The following FOXP2 variants were observed in gnomAD, a reference collection of about 807,000 sequenced individuals.
FOXP2 encodes the protein forkhead box P2.
Under a neutral mutation model 115.8 loss-of-function variants are expected in FOXP2, and 12 were observed. The observed-to-expected ratio is 0.10, with a 90% CI of 0.07 to 0.17. FOXP2 has a LOEUF of 0.17. FOXP2 is among the 10% of genes least tolerant of loss of function. The pLI is 1.00. For missense variants in FOXP2, 629 were observed against 843.5 expected, an observed-to-expected ratio of 0.75 and a Z score of 3.15; for synonymous variants, 328 against 297.7, an observed-to-expected ratio of 1.10 and a Z score of -1.05.
chr7:114,152,783 C>T (rs1792561045), intron 1 of FOXP2, among the ~76,000 whole-genome samples: 1 of 152,022 alleles, frequency 6.6e-6, no homozygotes, highest in Non-Finnish European at 1.5e-5. Context: ...CTGTCATTGA[C>T]CGTAGGGTAG....
intron 2 of FOXP2, among the ~76,000 whole-genome samples, chr7:114,457,408 A>G (rs1795357804): frequency 1.3e-5 from 2 of 152,162 alleles, no homozygotes; most frequent in African/African-American, 2.4e-5. Context: ...AAAAAAAATC[A>G]TAATTTCCTT....
intron 1 of FOXP2, among the ~76,000 whole-genome samples, chr7:114,231,916 G>A (rs1794885141): frequency 6.6e-6 from 1 of 152,114 alleles, no homozygotes; most frequent in Non-Finnish European, 1.5e-5. Context: ...AAACAAGAGT[G>A]CAAAGGCAGC....
chr7:114,311,555 C>T (rs1030528292), intron 2 of FOXP2, among the ~76,000 whole-genome samples: 2 of 152,108 alleles, frequency 1.3e-5, no homozygotes, highest in Admixed American at 6.5e-5. Context: ...CCCAGCTGAA[C>T]GCCATTTAGT....
At chr7:114,456,350 AAC>A (rs1795312665) in intron 2 of FOXP2, among the ~76,000 whole-genome samples, 1 of 152,202 alleles carries the variant, frequency 6.6e-6, no homozygotes, top group Non-Finnish European at 1.5e-5. Context: ...GGTACAGTAA[AAC>A]ACTGAGAAAA....
chr7:114,087,339 T>C (rs1562959591), upstream of FOXP2, among the ~76,000 whole-genome samples: 1 of 152,114 alleles, frequency 6.6e-6, no homozygotes, highest in East Asian at 1.9e-4. Flanking sequence ...TCGCGTTCCT[T>C]TCCCTGTCCA....
intron 2 of FOXP2, among the ~76,000 whole-genome samples, chr7:114,377,386 G>A (rs1408411667): frequency 6.6e-6 from 1 of 152,186 alleles, no homozygotes; most frequent in African/African-American, 2.4e-5. Flanking sequence ...CCACTTAGAA[G>A]AGAAAGTGAA....
At chr7:114,208,302 C>G (rs1303030410) in intron 1 of FOXP2, among the ~76,000 whole-genome samples, 1 of 152,164 alleles carries the variant, frequency 6.6e-6, no homozygotes, top group Admixed American at 6.5e-5. Context: ...TTTGGACTTG[C>G]ATGGGGCCTG....
At chr7:114,538,634 T>C (rs1390557901) in intron 3 of FOXP2, among the ~76,000 whole-genome samples, 1 of 151,758 alleles carries the variant, frequency 6.6e-6, no homozygotes, top group Admixed American at 6.6e-5. Flanking sequence ...ACTTGACATC[T>C]TTAAAATAAA....
At chr7:114,097,456 A>G (rs1799676235) in intron 1 of FOXP2, among the ~76,000 whole-genome samples, 1 of 152,170 alleles carries the variant, frequency 6.6e-6, no homozygotes, top group Non-Finnish European at 1.5e-5. Context: ...TGTTGTGTAT[A>G]TCATTTTTGC....
intron 6 of FOXP2, among the ~76,000 whole-genome samples, chr7:114,636,416 C>G (rs1805219888): frequency 6.6e-6 from 1 of 152,000 alleles, no homozygotes; most frequent in African/African-American, 2.4e-5. Flanking sequence ...TTTGGCTTAA[C>G]AGAATATATA....
chr7:114,524,513 A>C (rs1435583768), intron 2 of FOXP2, among the ~76,000 whole-genome samples: 2 of 152,104 alleles, frequency 1.3e-5, no homozygotes, highest in Admixed American at 1.3e-4. Flanking sequence ...CTTCAGAGTC[A>C]GCCAGATAGT....
At chr7:114,391,127 C>T (rs997014806) in intron 2 of FOXP2, among the ~76,000 whole-genome samples, 9 of 151,760 alleles carry the variant, frequency 5.9e-5, no homozygotes, top group African/African-American at 2.2e-4. Flanking sequence ...GCGGAGGTTG[C>T]AGTGAGCCAA....
chr7:114,433,140 G>A (rs1433922867), intron 2 of FOXP2, among the ~76,000 whole-genome samples: 1 of 151,908 alleles, frequency 6.6e-6, no homozygotes, highest in Non-Finnish European at 1.5e-5. Flanking sequence ...AATACAACAG[G>A]TAAAAGAAAA....
intron 2 of FOXP2, among the ~76,000 whole-genome samples, chr7:114,516,980 C>T (rs764212580): frequency 6.6e-6 from 1 of 151,992 alleles, no homozygotes; most frequent in African/African-American, 2.4e-5. Flanking sequence ...AGGTGTGAGC[C>T]ACTGTGCCTG....
chr7:114,440,928 A>G (rs1794571050), intron 2 of FOXP2, among the ~76,000 whole-genome samples: 1 of 152,208 alleles, frequency 6.6e-6, no homozygotes, highest in African/African-American at 2.4e-5. Context: ...ATGGATGAAG[A>G]AATTTCTATT....
Position 114,693,099 on chromosome 7 carries a change from G to A in FOXP2, c.*3173G>A, listed in dbSNP as rs1289576043. The stretch of plus-strand genomic sequence containing the variant: ...AATTGCTTAAACCTAGTGGGCTTAA[G>A]GCTTATATTCTATGTGGTTGGATTC... On this transcript the variant is annotated 3_prime_UTR_variant, in exon 17 of 17. Coordinates refer to ENST00000350908, the MANE Select transcript of FOXP2 (RefSeq NM_014491.4). The A allele has an allele frequency of 2.2e-6, 1 of 453,852 alleles. No homozygotes were observed. Among genetic ancestry groups the A allele is most frequent in the East Asian group, 7.0e-5 (1 of 14,382 alleles). 28.1% of individuals were successfully genotyped at this position (453,852 alleles called of 1,614,324 possible). A position where few individuals can be genotyped will look rare whatever the true frequency, so the allele number is the denominator to read the frequency against.
At chr7:114,618,459 A>G (rs1228689707) in intron 3 of FOXP2, among the ~76,000 whole-genome samples, 2 of 152,188 alleles carry the variant, frequency 1.3e-5, no homozygotes, top group Non-Finnish European at 2.9e-5. Flanking sequence ...ACTAGTAGAG[A>G]CTATGGTGAT....
intron 2 of FOXP2, among the ~76,000 whole-genome samples, chr7:114,478,166 T>G (rs1796370499): frequency 1.3e-5 from 2 of 151,842 alleles, no homozygotes; most frequent in South Asian, 4.1e-4. Context: ...ATTTTTATAG[T>G]AAAAGAGACT....
chr7:114,131,312 A>G (rs1243349900), intron 1 of FOXP2, among the ~76,000 whole-genome samples: 2 of 152,200 alleles, frequency 1.3e-5, no homozygotes, highest in African/African-American at 4.8e-5. Context: ...GTTAAGACCA[A>G]GTATTATGCT....
Sources: gnomAD v4.1 joint callset for allele counts (sites outside exome capture counted in the v4.1 genomes callset) on GRCh38, gnomAD v4.1.1 for gene constraint, MANE v1.5 for transcripts, NCBI Gene and HGNC (gene_info 2026-07-23, HGNC 2026-07-21) for gene names.